LINGO1: variants seen among roughly 807,000 people sequenced by gnomAD.
LINGO1 encodes the protein leucine-rich repeat and immunoglobulin-like domain-containing nogo receptor-interacting protein 1.
In LINGO1, 11 loss-of-function variants were observed where a neutral mutation model predicts 37.3. The ratio of observed to expected loss-of-function variants is 0.29; its 90% CI spans 0.19 to 0.49. The LOEUF is 0.49. LINGO1 is among the 20% of genes least tolerant of loss of function. The pLI, the probability that LINGO1 is intolerant of heterozygous loss-of-function variation, is 0.99. For synonymous variants in LINGO1, 387 were observed against 403.0 expected, an observed-to-expected ratio of 0.96 and a Z score of 0.48; for missense variants, 585 against 878.2, an observed-to-expected ratio of 0.67 and a Z score of 4.22.
At chr15:77,706,472 A>T (rs1330242671) in intron 2 of LINGO1, among the ~76,000 whole-genome samples, 2 of 149,188 alleles carry the variant, frequency 1.3e-5, no homozygotes, top group African/African-American at 2.5e-5. Context: ...CACCCTCCTC[A>T]CTATTGGCCT....
At chr15:77,716,031 C>T (rs1596147949) in intron 2 of LINGO1, among the ~76,000 whole-genome samples, 2 of 152,194 alleles carry the variant, frequency 1.3e-5, no homozygotes, top group East Asian at 3.8e-4. Flanking sequence ...TTACTATGTG[C>T]CAGCCACTTA....
At chr15:77,630,356 CAT>C (rs1343896199) in intron 1 of LINGO1, among the ~76,000 whole-genome samples, 1 of 152,210 alleles carries the variant, frequency 6.6e-6, no homozygotes, top group Admixed American at 6.5e-5. Flanking sequence ...CAGCACCACA[CAT>C]GAGCCCTCAC....
chr15:77,640,648 T>C (rs116472880), intron 3 of LINGO1, among the ~76,000 whole-genome samples: 155 of 152,212 alleles, frequency 1.0e-3, no homozygotes, highest in African/African-American at 3.6e-3. Context: ...GTTGGGGACA[T>C]AGACGGAGAC....
At chr15:77,665,589 T>C (rs2141186274) in intron 3 of LINGO1, among the ~76,000 whole-genome samples, 1 of 152,296 alleles carries the variant, frequency 6.6e-6, no homozygotes, top group East Asian at 1.9e-4. Context: ...AGGTGGCCCT[T>C]TCCTGAACCC....
intron 2 of LINGO1, among the ~76,000 whole-genome samples, chr15:77,723,997 T>A (rs574981222): frequency 2.6e-5 from 4 of 152,192 alleles, no homozygotes; most frequent in African/African-American, 7.2e-5. Flanking sequence ...TCCCCCTGCC[T>A]CAGTAGGAGG....
intron 1 of LINGO1, among the ~76,000 whole-genome samples, chr15:77,738,839 G>A (rs1161636566): frequency 6.6e-6 from 1 of 152,178 alleles, no homozygotes; most frequent in Non-Finnish European, 1.5e-5. Context: ...AAGGGGCACA[G>A]CCAACTCTAC....
chr15:77,645,737 G>C (rs2074611617), intron 3 of LINGO1, among the ~76,000 whole-genome samples: 1 of 152,252 alleles, frequency 6.6e-6, no homozygotes, highest in Admixed American at 6.5e-5. Context: ...CGCTTTAGAA[G>C]AGCTGGTGGC....
At chr15:77,669,865 C>T (rs965807664) in intron 3 of LINGO1, among the ~76,000 whole-genome samples, 2 of 152,182 alleles carry the variant, frequency 1.3e-5, no homozygotes, top group Non-Finnish European at 2.9e-5. Flanking sequence ...ACCTAGAAAT[C>T]GACCCAGGAA....
rs73465863 is a variant in LINGO1, at chr15:77,748,106, C to A, written c.-256-13053G>T. Among the ~76,000 whole-genome samples the A allele has an allele frequency of 7.6e-3, 1,157 of 152,362 alleles. 19 individuals are homozygous for A. The highest frequency in any genetic ancestry group is 0.027 in the African/African-American group (1,115 of 41,572). On this transcript the variant is annotated intron_variant, in intron 1 of 3. Coordinates refer to the LINGO1 transcript ENST00000561686. Reference sequence around the variant, plus strand: ...ACTGTGGTTGCCCTTTTGAGGCACCCTCTCCAGTGGGTTAAGACTCTGGCC... The same window carrying A: ...ACTGTGGTTGCCCTTTTGAGGCACCATCTCCAGTGGGTTAAGACTCTGGCC...
At chr15:77,777,764 G>A (rs2076676238) in intron 1 of LINGO1, among the ~76,000 whole-genome samples, 1 of 152,064 alleles carries the variant, frequency 6.6e-6, no homozygotes, top group Non-Finnish European at 1.5e-5. Context: ...TCTCCAAAAA[G>A]TAAAACAAAC....
At chr15:77,771,392 C>T (rs756183851) in intron 1 of LINGO1, among the ~76,000 whole-genome samples, 3 of 152,162 alleles carry the variant, frequency 2.0e-5, no homozygotes, top group South Asian at 4.2e-4. Flanking sequence ...GCTCTGACTC[C>T]GGCACATTGA....
chr15:77,615,739 C>T lies in LINGO1; in HGVS notation c.168G>A (p.Leu56=). Residue 56 remains leucine, a synonymous_variant, in exon 2 of 2, where the codon CTG becomes CTA. Transcript: ENST00000355300. ...CECSAQDRAV[L]CHRKRFVAVP... is the part of the protein sequence containing the mutation. ...CTGCCACAAAGCGCTTGCGGTGGCA[C>T]AGCACAGCGCGGTCCTGGGCGGAGC... The T allele has an allele frequency of 6.3e-7, 1 of 1,591,630 alleles. No homozygotes were observed. The highest frequency in any genetic ancestry group is 1.7e-4 in the Middle Eastern group (1 of 6,020).
At chr15:77,663,478 G>A (rs1286243222) in intron 3 of LINGO1, among the ~76,000 whole-genome samples, 1 of 152,196 alleles carries the variant, frequency 6.6e-6, no homozygotes, top group Non-Finnish European at 1.5e-5. Context: ...GTCCTGTCTA[G>A]GGGACCCGTT....
chr15:77,680,747 C>A (rs943802987), intron 2 of LINGO1, among the ~76,000 whole-genome samples: 1 of 152,218 alleles, frequency 6.6e-6, no homozygotes, highest in Non-Finnish European at 1.5e-5. Context: ...GGGTCCAAGA[C>A]CAGCTCCCAG....
At chr15:77,636,539 C>G (rs2074399723), upstream of LINGO1, among the ~76,000 whole-genome samples, 1 of 148,110 alleles carries the variant, frequency 6.8e-6, no homozygotes, top group African/African-American at 2.7e-5. Flanking sequence ...CAGCATCCAG[C>G]TGGGGGGCCC....
At chr15:77,778,135 C>G (rs1436280677) in intron 1 of LINGO1, among the ~76,000 whole-genome samples, 4 of 152,214 alleles carry the variant, frequency 2.6e-5, no homozygotes, top group Non-Finnish European at 5.9e-5. Flanking sequence ...CATTCCTGGC[C>G]TCTTCCAGCT....
At chr15:77,773,038 C>T (rs2076601785) in intron 1 of LINGO1, among the ~76,000 whole-genome samples, 1 of 152,150 alleles carries the variant, frequency 6.6e-6, no homozygotes, top group Non-Finnish European at 1.5e-5. Flanking sequence ...GGTCGAGAGC[C>T]AAGGCGGGTG....
rs1244222983 is a variant in LINGO1 at position 77,616,318 on chromosome 15, G to A, written c.7-418C>T. Among the ~76,000 whole-genome samples the A allele has an allele frequency of 1.3e-5, 2 of 152,174 alleles. 1 individual carries two copies. On this transcript the variant is annotated intron_variant, in intron 1 of 1. Transcript: ENST00000355300. ...TTGGGCTCACAGTGGGGATCAAAGGGGCTCAAGGGCTGAGGCCTCTAGGAA... is the reference window on the plus strand; with the variant it reads ...TTGGGCTCACAGTGGGGATCAAAGGAGCTCAAGGGCTGAGGCCTCTAGGAA...
chr15:77,792,951 A>G (rs1482770586), intron 2 of LINGO1, among the ~76,000 whole-genome samples: 2 of 152,216 alleles, frequency 1.3e-5, no homozygotes, highest in Non-Finnish European at 2.9e-5. Context: ...ACAGATGTGC[A>G]CAGGGAGGGT....
Sources: gnomAD v4.1 joint callset for allele counts (sites outside exome capture counted in the v4.1 genomes callset) on GRCh38, gnomAD v4.1.1 for gene constraint, MANE v1.5 for transcripts, NCBI Gene and HGNC (gene_info 2026-07-23, HGNC 2026-07-21) for gene names.